Variants in ATP11A observed in about 807,000 individuals in gnomAD.
ATP11A encodes the protein ATPase phospholipid transporting 11A.
Under a neutral mutation model 154.4 loss-of-function variants are expected in ATP11A, and 81 were observed. The ratio of observed to expected loss-of-function variants is 0.52; its 90% CI spans 0.44 to 0.63. ATP11A has a LOEUF of 0.63. Among genes scored for constraint, ATP11A ranks in the 30% least tolerant of loss-of-function variants. The pLI is 0.00. For synonymous variants in ATP11A, 623 were observed against 585.9 expected, an observed-to-expected ratio of 1.06 and a Z score of -0.91; for missense variants, 1,316 against 1,474.3, an observed-to-expected ratio of 0.89 and a Z score of 1.76.
rs1885004240 is a variant in ATP11A, at chr13:112,690,387, A to AATTC, written c.-29_-28insTTCA. The AATTC allele has an allele frequency of 1.6e-6, 2 of 1,276,816 alleles. No homozygotes were observed. The allele number at this position is 1,276,816 out of a possible 1,614,324, so 79.1% of individuals were successfully genotyped here. ...CGCCGAGCCGGGCGCGGGGGCGCTG[A>AATTC]ACGGCGGAGCGGGAGCGGCCGGAGG... On this transcript the variant is annotated 5_prime_UTR_variant, in exon 1 of 30. Transcript: ENST00000375645. This position sits in a 1 kb window ranked among gnomAD's most constrained non-coding sequence, Gnocchi z 5.6.
chr13:112,856,722 G>C (rs2079938565), intron 20 of ATP11A: 1 of 152,240 alleles, frequency 6.6e-6, no homozygotes. Context: ...GAAAAGTTCT[G>C]ACTTTGTTAT....
chr13:112,740,164 A>G (rs1425055379), intron 1 of ATP11A, among the ~76,000 whole-genome samples: 1 of 147,434 alleles, frequency 6.8e-6, no homozygotes, highest in Non-Finnish European at 1.5e-5. Context: ...ATATATATAT[A>G]TATATAGATA....
intron 24 of ATP11A, chr13:112,860,678 A>C (rs1181717314): frequency 2.9e-6 from 1 of 350,442 alleles, no homozygotes; most frequent in Non-Finnish European, 5.3e-6. Context: ...GCTTTCTGAC[A>C]GTCCTGAGGG....
intron 1 of ATP11A, among the ~76,000 whole-genome samples, chr13:112,698,294 C>T (rs554041196): frequency 6.6e-6 from 1 of 152,258 alleles, no homozygotes; most frequent in South Asian, 2.1e-4. Flanking sequence ...ACTGCTGCGT[C>T]GAAGCCTGAG....
At chr13:112,731,223 C>T (rs1419023873) in intron 1 of ATP11A, among the ~76,000 whole-genome samples, 1 of 152,178 alleles carries the variant, frequency 6.6e-6, no homozygotes, top group Non-Finnish European at 1.5e-5. Context: ...CCTGCCTTAG[C>T]CTCCCAAAGT....
intron 2 of ATP11A, among the ~76,000 whole-genome samples, chr13:112,793,355 C>A (rs748225967): frequency 6.6e-6 from 1 of 152,186 alleles, no homozygotes; most frequent in Non-Finnish European, 1.5e-5. Context: ...GTGCCCACCA[C>A]CACACCTAGT....
intron 4 of ATP11A, among the ~76,000 whole-genome samples, chr13:112,806,863 T>C (rs1300721178): frequency 6.6e-6 from 1 of 152,210 alleles, no homozygotes; most frequent in Admixed American, 6.5e-5. Flanking sequence ...TCGCCTATTC[T>C]AAACATTTCG....
intron 1 of ATP11A, among the ~76,000 whole-genome samples, chr13:112,716,858 A>G (rs1375312658): frequency 6.6e-6 from 1 of 152,052 alleles, no homozygotes; most frequent in Non-Finnish European, 1.5e-5. Context: ...TCTGCGTTCT[A>G]AAGATGGCTA....
At chr13:112,695,267 T>A (rs1441906754) in intron 1 of ATP11A, among the ~76,000 whole-genome samples, 4 of 152,228 alleles carry the variant, frequency 2.6e-5, no homozygotes, top group Non-Finnish European at 4.4e-5. Flanking sequence ...CCAAGACTAA[T>A]AATCTGTCTC....
At chr13:112,822,291 C>G (rs1357627773) in intron 8 of ATP11A, among the ~76,000 whole-genome samples, 1 of 152,146 alleles carries the variant, frequency 6.6e-6, no homozygotes, top group South Asian at 2.1e-4. Context: ...AGCAGGGAAC[C>G]CTGTTATATC....
At chr13:112,839,034 C>T (rs2140278682) in intron 16 of ATP11A, among the ~76,000 whole-genome samples, 1 of 152,270 alleles carries the variant, frequency 6.6e-6, no homozygotes, top group Non-Finnish European at 1.5e-5. Flanking sequence ...AGGGGCCTCC[C>T]ATGATGTCCG....
rs748008525 is a variant in ATP11A, at chr13:112,855,989, C to T, written c.2322C>T (p.Asp774=). The T allele has an allele frequency of 1.2e-5, 19 of 1,614,162 alleles. No individual in the cohort carries two copies. In the East Asian group the frequency reaches 2.2e-4, roughly 19 times the overall value. The change falls in exon 20 of 30, where the codon GAC becomes GAT. Residue 774 remains aspartate (D), a synonymous_variant. Coordinates refer to ENST00000375645, the MANE Select transcript of ATP11A (RefSeq NM_015205.3). ...CTCTGATAATGAAGCCTCGAGAAGA[C>T]GGGAGTTCCGGCAACTACAGGGAGC... ...ALSLIMKPRE[D]GSSGNYRELF... is the part of the protein sequence containing the mutation.
chr13:112,831,652 C>T (rs1296117801), intron 13 of ATP11A, 104 bp downstream of exon 13: 4 of 1,343,246 alleles, frequency 3.0e-6, no homozygotes, highest in Non-Finnish European at 4.1e-6. Context: ...TCCAGGCCCT[C>T]TCTACGGACT....
intron 25 of ATP11A, among the ~76,000 whole-genome samples, chr13:112,865,868 A>G (rs1440633078): frequency 6.6e-6 from 1 of 152,202 alleles, no homozygotes; most frequent in South Asian, 2.1e-4. Flanking sequence ...TGAGGTTTTC[A>G]GACTTTATCT....
At chr13:112,708,974 A>C (rs1040339519) in intron 1 of ATP11A, among the ~76,000 whole-genome samples, 1 of 148,388 alleles carries the variant, frequency 6.7e-6, no homozygotes, top group Non-Finnish European at 1.5e-5. Context: ...CACATGTTCC[A>C]GGGTAGACTC....
chr13:112,833,883 A>T (rs959008698), intron 14 of ATP11A, among the ~76,000 whole-genome samples: 2 of 151,352 alleles, frequency 1.3e-5, no homozygotes, highest in African/African-American at 4.9e-5. Flanking sequence ...CACCTTTGAG[A>T]CTCCTCCCTG....
At chr13:112,698,026 T>C (rs1247391781) in intron 1 of ATP11A, among the ~76,000 whole-genome samples, 2 of 152,200 alleles carry the variant, frequency 1.3e-5, no homozygotes, top group East Asian at 3.9e-4. Flanking sequence ...CTGCCCCTGC[T>C]AAAGTTAAGA....
At chr13:112,724,610 C>G (rs767956772) in intron 1 of ATP11A, among the ~76,000 whole-genome samples, 2 of 152,062 alleles carry the variant, frequency 1.3e-5, no homozygotes, top group Admixed American at 6.5e-5. Context: ...TGAGTTCAGT[C>G]TCCAGTGTCT....
intron 17 of ATP11A, among the ~76,000 whole-genome samples, chr13:112,845,801 C>T (rs1333431689): frequency 3.2e-5 from 3 of 93,800 alleles, no homozygotes; most frequent in South Asian, 6.3e-4. Context: ...TTTCCAGGCA[C>T]TAGTGATACT....
Sources: allele counts gnomAD v4.1 joint callset (sites outside exome capture counted in the v4.1 genomes callset), GRCh38; gene constraint gnomAD v4.1.1; non-coding constraint Gnocchi (gnomAD v3.1); transcripts MANE v1.5; gene names NCBI Gene and HGNC (gene_info 2026-07-23, HGNC 2026-07-21).